The following TRAFD1 variants were observed in gnomAD, a reference collection of about 807,000 sequenced individuals.
TRAFD1 encodes TRAF-type zinc finger domain containing 1.
In TRAFD1, 38 loss-of-function variants were observed where a neutral mutation model predicts 65.3. That is an observed-to-expected ratio of 0.58 (90% CI 0.45 to 0.76). The LOEUF is 0.76. Ranked by LOEUF, TRAFD1 falls within the 30% of genes least tolerant of loss-of-function variation. The pLI is 0.00. For synonymous variants in TRAFD1, 223 were observed against 257.2 expected, an observed-to-expected ratio of 0.87 and a Z score of 1.27; for missense variants, 631 against 712.6, an observed-to-expected ratio of 0.89 and a Z score of 1.30.
Position 112,152,112 on chromosome 12 carries a change from C to T in TRAFD1, c.1591C>T (p.Pro531Ser). 2 of 1,613,460 alleles carry T rather than the reference C, an allele frequency of 1.2e-6. No individual in the cohort carries two copies. The highest frequency in any genetic ancestry group is 1.1e-5 in the South Asian group (1 of 91,070). Residue 531 changes from proline (P) to serine (S), a missense_variant, in exon 10 of 12, where the codon CCT (proline) becomes TCT (serine). Pro to Ser is a moderately conservative substitution (Grantham distance 74). Coordinates refer to ENST00000412615, the MANE Select transcript of TRAFD1 (RefSeq NM_006700.3). The surrounding 1 kb of genome is among the most constrained non-coding windows in gnomAD (Gnocchi z 5.0). Reference sequence around the variant, plus strand: ...AGAAAACATTGTGCCCTCTTTCTCCCCTGGGCCTTCAGGGAGATACGGAGC... The same window carrying T: ...AGAAAACATTGTGCCCTCTTTCTCCTCTGGGCCTTCAGGGAGATACGGAGC... ...YPENIVPSFSPGPSGRYGASG... is the reference protein window; with the variant it reads ...YPENIVPSFSSGPSGRYGASG...
Position 112,152,050 on chromosome 12 carries a change from A to G in TRAFD1, c.1529A>G (p.His510Arg). The G allele has an allele frequency of 6.2e-7, 1 of 1,614,240 alleles. No individual in the cohort carries two copies. Among genetic ancestry groups the G allele is most frequent in the Non-Finnish European group, 8.5e-7 (1 of 1,180,048 alleles). The change falls in exon 10 of 12, where the codon CAC (histidine) becomes CGC (arginine). Residue 510 changes from histidine (H) to arginine (R), a missense_variant. Transcript: ENST00000412615. The surrounding 1 kb of genome is among the most constrained non-coding windows in gnomAD (Gnocchi z 5.0). ...CAGAATGGGGCCATAGCCCCTGGGC[A>G]CGTTTCAGTGATTCGCCCTCCTCAA... ...DSQNGAIAPG[H>R]VSVIRPPQNL...
intron 7 of TRAFD1, among the ~76,000 whole-genome samples, chr12:112,146,535 C>T (rs920446274): frequency 3.9e-5 from 6 of 152,172 alleles, no homozygotes; most frequent in Non-Finnish European, 8.8e-5. Flanking sequence ...TATTGAAGTC[C>T]TTGCATTTTT....
intron 2 of TRAFD1, among the ~76,000 whole-genome samples, chr12:112,134,027 T>TTTTTG (rs2079580584): frequency 6.9e-6 from 1 of 144,426 alleles, no homozygotes; most frequent in Non-Finnish European, 1.5e-5. Flanking sequence ...TTTTTTTTTT[T>TTTTTG]GAGACAGAGT....
chr12:112,142,846 T>C (rs1174238649), intron 6 of TRAFD1, among the ~76,000 whole-genome samples: 2 of 152,134 alleles, frequency 1.3e-5, no homozygotes, highest in African/African-American at 2.4e-5. Context: ...TACATAAAAG[T>C]AATGTGAGGA....
intron 8 of TRAFD1, 24 bp downstream of exon 8, chr12:112,148,328 C>A: frequency 1.2e-6 from 2 of 1,602,186 alleles, no homozygotes; most frequent in South Asian, 1.1e-5. Flanking sequence ...GAGTCCCTGT[C>A]CATGTGGCTC....
At chr12:112,149,430 T>A in intron 8 of TRAFD1, 1 of 243,690 alleles carries the variant, frequency 4.1e-6, no homozygotes, top group South Asian at 5.2e-5. Context: ...CTCCTTGTTC[T>A]ACTCTTTTCC....
intron 8 of TRAFD1, 194 bp from the exon 9 acceptor site, chr12:112,149,557 T>C (rs2030344113): frequency 1.7e-6 from 1 of 588,812 alleles, no homozygotes; most frequent in Admixed American, 3.2e-5. Flanking sequence ...AGAAAGTGTT[T>C]CTGTCAGTGC....
At chr12:112,135,850 C>G (rs914922225) in intron 4 of TRAFD1, among the ~76,000 whole-genome samples, 1 of 130,720 alleles carries the variant, frequency 7.6e-6, no homozygotes, top group African/African-American at 2.8e-5. Flanking sequence ...TTTTTAAATA[C>G]AGACAGGGTC....
chr12:112,152,707 G>A lies in TRAFD1; in HGVS notation c.1693-28G>A. Reference sequence around the variant, plus strand: ...AATGCTTTTTCACTTTTTATGTAAAGCTTCGTTTGTGTTGTGTTGTTCACC... The same window carrying A: ...AATGCTTTTTCACTTTTTATGTAAAACTTCGTTTGTGTTGTGTTGTTCACC... On this transcript the variant is annotated intron_variant, in intron 11 of 11. Transcript: ENST00000412615. This position sits in a 1 kb window ranked among gnomAD's most constrained non-coding sequence, Gnocchi z 5.0. 5 of 1,614,102 alleles carry A rather than the reference G, an allele frequency of 3.1e-6. No individual in the cohort carries two copies. Among genetic ancestry groups the A allele is most frequent in the Non-Finnish European group, 4.2e-6 (5 of 1,180,022 alleles).
chr12:112,149,946 CTG>C, intron 9 of TRAFD1, 75 bp downstream of exon 9: 1 of 1,588,240 alleles, frequency 6.3e-7, no homozygotes, highest in South Asian at 1.1e-5. Context: ...TTCCCATCCA[CTG>C]CTCTAATGTG....
intron 7 of TRAFD1, 101 bp downstream of exon 7, chr12:112,145,763 T>C (rs2030221742): frequency 2.0e-6 from 2 of 1,006,112 alleles, no homozygotes; most frequent in South Asian, 2.9e-5. Flanking sequence ...TTTAATACAA[T>C]GCCCATAGTA....
intron 8 of TRAFD1, 62 bp from the exon 9 acceptor site, chr12:112,149,689 C>T (rs1023074033): frequency 1.9e-5 from 30 of 1,604,420 alleles, no homozygotes; most frequent in African/African-American, 1.2e-4. Context: ...TTCCTCCCAT[C>T]GCATGCTCTT....
intron 6 of TRAFD1, among the ~76,000 whole-genome samples, chr12:112,144,268 CTTT>C (rs745666002): frequency 1.5e-5 from 2 of 135,810 alleles, no homozygotes; most frequent in South Asian, 2.3e-4. Context: ...TTGGCCTGGA[CTTT>C]TTTTTTTTTT....
chr12:112,134,774 T>C lies in TRAFD1; in HGVS notation c.84T>C (p.His28=). 6.2e-7 allele frequency: 1 copy of C among 1,613,340 alleles called. No individual in the cohort carries two copies. Residue 28 remains histidine, a synonymous_variant, in exon 3 of 12, where the codon CAT becomes CAC. Transcript: ENST00000412615. ...TTCCTGTGTTTAACTTTACCATCCA[T>C]GAGATCCACTGTCAAAGGAACATTG... ...KEIPVFNFTI[H]EIHCQRNIGM...
At position 112,130,049 on chromosome 12, in the gene TRAFD1, A is replaced by G. The variant is rs2079559924; in HGVS notation, c.-12-462A>G. On this transcript the variant is annotated intron_variant, in intron 1 of 11. Transcript: ENST00000412615. This position sits in a 1 kb window ranked among gnomAD's most constrained non-coding sequence, Gnocchi z 4.4. ...TCTGCAGCCTTAAACTCCTAGGCTT[A>G]AGCATTCCTCTTGCACATTCCTCCT... Among the ~76,000 whole-genome samples, 1 of 151,672 alleles carries G rather than the reference A, an allele frequency of 6.6e-6. No individual in the cohort carries two copies. Among genetic ancestry groups the G allele is most frequent in the South Asian group, 2.1e-4 (1 of 4,818 alleles).
chr12:112,150,554 C>T (rs1239628909), intron 9 of TRAFD1, among the ~76,000 whole-genome samples: 1 of 151,948 alleles, frequency 6.6e-6, no homozygotes, highest in Non-Finnish European at 1.5e-5. Flanking sequence ...CGACCTCAAA[C>T]TTATTTATTT....
intron 7 of TRAFD1, among the ~76,000 whole-genome samples, chr12:112,147,686 T>G (rs2030287412): frequency 6.6e-6 from 1 of 151,960 alleles, no homozygotes; most frequent in African/African-American, 2.4e-5. Context: ...TTTTTTTTTT[T>G]TTTGAGACGG....
intron 4 of TRAFD1, among the ~76,000 whole-genome samples, chr12:112,139,404 T>C (rs921115235): frequency 6.6e-6 from 1 of 151,798 alleles, no homozygotes; most frequent in Non-Finnish European, 1.5e-5. Context: ...CATGTAGATA[T>C]AATGCCAATT....
At chr12:112,140,369 A>C (rs1467570694) in intron 4 of TRAFD1, among the ~76,000 whole-genome samples, 1 of 151,370 alleles carries the variant, frequency 6.6e-6, no homozygotes, top group Non-Finnish European at 1.5e-5. Context: ...GCAATGAGCC[A>C]AGATTGCGCC....
Sources: gnomAD v4.1 joint callset for allele counts (sites outside exome capture counted in the v4.1 genomes callset) on GRCh38, gnomAD v4.1.1 for gene constraint, Gnocchi (gnomAD v3.1) non-coding constraint, MANE v1.5 for transcripts, NCBI Gene and HGNC (gene_info 2026-07-23, HGNC 2026-07-21) for gene names.